The following CRTC1 variants were observed in gnomAD, a reference collection of about 807,000 sequenced individuals.
CRTC1 encodes CREB-regulated transcription coactivator 1.
In CRTC1, 18 loss-of-function variants were observed where a neutral mutation model predicts 66.1. The observed-to-expected ratio is 0.27, with a 90% CI of 0.19 to 0.40. CRTC1 has a LOEUF of 0.40. Ranked by LOEUF, CRTC1 falls within the 10% of genes least tolerant of loss-of-function variation. The pLI, the probability that CRTC1 is intolerant of heterozygous loss-of-function variation, is 1.00. For synonymous variants in CRTC1, 416 were observed against 398.8 expected, an observed-to-expected ratio of 1.04 and a Z score of -0.51; for missense variants, 669 against 887.9, an observed-to-expected ratio of 0.75 and a Z score of 3.13.
In CRTC1 at chr19:18,768,347, G is replaced by C; in HGVS notation, c.1012-138G>C. On this transcript the variant is annotated intron_variant, in intron 9 of 13. Coordinates refer to ENST00000321949, the MANE Select transcript of CRTC1 (RefSeq NM_015321.3). The surrounding 1 kb of genome is among the most constrained non-coding windows in gnomAD (Gnocchi z 5.6). ...CTAGCCTGGGCTCCCTCATCGTGAG[G>C]AGCACCCAGCCCAGGGGCTGCCTGT... is the stretch of plus-strand genomic sequence containing the variant. 1.4e-6 allele frequency: 1 copy of C among 693,754 alleles called. No individual in the cohort carries two copies. The highest frequency in any genetic ancestry group is 2.4e-6 in the Non-Finnish European group (1 of 422,820). 43.0% of individuals were successfully genotyped at this position (693,754 alleles called of 1,614,324 possible). A position where few individuals can be genotyped will look rare whatever the true frequency, so the allele number is the denominator to read the frequency against.
rs148400773 is a variant in CRTC1 at position 18,760,680 on chromosome 19, A to G, written c.886+452A>G. On this transcript the variant is annotated intron_variant, in intron 8 of 13. Transcript: ENST00000321949. This position sits in a 1 kb window ranked among gnomAD's most constrained non-coding sequence, Gnocchi z 6.2. Reference sequence around the variant, plus strand: ...CACCCCCACCCGTCTCCAGCTCCACACTCCTTTCTTCCTCAGCCACATCCA... The same window carrying G: ...CACCCCCACCCGTCTCCAGCTCCACGCTCCTTTCTTCCTCAGCCACATCCA... Among the ~76,000 whole-genome samples, 429 of 149,496 alleles carry G rather than the reference A, an allele frequency of 2.9e-3. 1 individual carries two copies. Among genetic ancestry groups the G allele is most frequent in the African/African-American group, 0.01 (411 of 40,504 alleles).
chr19:18,726,841 G>C (rs773284010), intron 1 of CRTC1, among the ~76,000 whole-genome samples: 1 of 150,594 alleles, frequency 6.6e-6, no homozygotes, highest in Non-Finnish European at 1.5e-5. Context: ...CAGGAGAATT[G>C]CTTGAACCCA....
At chr19:18,744,224 G>A (rs911666597) in intron 2 of CRTC1, 87 of 1,483,876 alleles carry the variant, frequency 5.9e-5, no homozygotes, top group Non-Finnish European at 7.4e-5. Flanking sequence ...ACCCGTGTGC[G>A]GGCGCTGGGG....
At chr19:18,701,599 A>T (rs756309469) in intron 1 of CRTC1, among the ~76,000 whole-genome samples, 3 of 151,926 alleles carry the variant, frequency 2.0e-5, no homozygotes, top group African/African-American at 7.3e-5. Flanking sequence ...TTCTTATGAG[A>T]TAGGATTTTT....
chr19:18,768,388 C>T lies in CRTC1; in HGVS notation c.1012-97C>T. 4.9e-6 allele frequency: 5 copies of T among 1,016,586 alleles called. No homozygotes were observed. The East Asian group carries it at 7.8e-5, about 16-fold the overall frequency. 63.0% of individuals were successfully genotyped at this position (1,016,586 alleles called of 1,614,324 possible). A position where few individuals can be genotyped will look rare whatever the true frequency, so the allele number is the denominator to read the frequency against. Reference sequence around the variant, plus strand: ...GGCTGCCTGTGATCACAGGGCCCTTCCACCTCGCCTGCTGAGCATGCCAGG... The same window carrying T: ...GGCTGCCTGTGATCACAGGGCCCTTTCACCTCGCCTGCTGAGCATGCCAGG... On this transcript the variant is annotated intron_variant, in intron 9 of 13. Coordinates refer to ENST00000321949, the MANE Select transcript of CRTC1 (RefSeq NM_015321.3). This position sits in a 1 kb window ranked among gnomAD's most constrained non-coding sequence, Gnocchi z 5.6.
chr19:18,753,231 G>A (rs2054407987), intron 5 of CRTC1, among the ~76,000 whole-genome samples: 1 of 152,098 alleles, frequency 6.6e-6, no homozygotes, highest in African/African-American at 2.4e-5. Flanking sequence ...AGCTGAGATT[G>A]TGCCACTGCA....
intron 13 of CRTC1, 53 bp downstream of exon 13, chr19:18,775,874 G>A: frequency 6.7e-7 from 1 of 1,501,268 alleles, no homozygotes; most frequent in South Asian, 1.3e-5. Context: ...CTCAGCCCGT[G>A]CGGAGACAGC....
In CRTC1 at chr19:18,683,688, G is replaced by T; in HGVS notation, c.-15G>T. The T allele has an allele frequency of 7.2e-7, 1 of 1,392,542 alleles. No homozygotes were observed. Among genetic ancestry groups the T allele is most frequent in the Non-Finnish European group, 9.5e-7 (1 of 1,047,932 alleles). 86.3% of individuals were successfully genotyped at this position (1,392,542 alleles called of 1,614,324 possible). On this transcript the variant is annotated 5_prime_UTR_variant, in exon 1 of 14. The change creates a new upstream start codon in the 5' untranslated region. Coordinates refer to ENST00000321949, the MANE Select transcript of CRTC1 (RefSeq NM_015321.3). ...TGGAGGAGGAGGAGGAGGAGGAGGAGGTGGCGGCGAGAAGATGGCGACTTC... is the reference window on the plus strand; with the variant it reads ...TGGAGGAGGAGGAGGAGGAGGAGGATGTGGCGGCGAGAAGATGGCGACTTC...
At chr19:18,766,009 C>A (rs2054726452) in intron 9 of CRTC1, among the ~76,000 whole-genome samples, 1 of 152,018 alleles carries the variant, frequency 6.6e-6, no homozygotes, top group East Asian at 1.9e-4. Flanking sequence ...TTTCAATTTG[C>A]TGTATTTGCT....
chr19:18,740,275 G>A (rs2054083826), intron 1 of CRTC1, among the ~76,000 whole-genome samples: 1 of 151,836 alleles, frequency 6.6e-6, no homozygotes, highest in South Asian at 2.1e-4. Flanking sequence ...AATCACCCAA[G>A]GGAAGAGGCA....
At chr19:18,715,952 C>T (rs866645908) in intron 1 of CRTC1, among the ~76,000 whole-genome samples, 4 of 152,178 alleles carry the variant, frequency 2.6e-5, no homozygotes, top group Non-Finnish European at 4.4e-5. Flanking sequence ...TTCCTGCACC[C>T]GAAGCCTGGG....
chr19:18,693,773 C>T (rs955565441), intron 1 of CRTC1, among the ~76,000 whole-genome samples: 4 of 151,810 alleles, frequency 2.6e-5, no homozygotes, highest in African/African-American at 9.7e-5. Context: ...AGCCACCATT[C>T]CCGGCCCGCT....
intron 4 of CRTC1, among the ~76,000 whole-genome samples, chr19:18,749,545 G>A (rs184181551): frequency 1.3e-3 from 203 of 152,358 alleles, no homozygotes; most frequent in Admixed American, 3.9e-3. Context: ...GACCACAGGC[G>A]TGCGCCACCT....
At chr19:18,735,093 C>T (rs1310672370) in intron 1 of CRTC1, among the ~76,000 whole-genome samples, 3 of 152,238 alleles carry the variant, frequency 2.0e-5, no homozygotes, top group Non-Finnish European at 2.9e-5. Flanking sequence ...GGGCTCTTTG[C>T]TGGGCCCTTG....
chr19:18,721,222 C>T (rs2053621656), intron 1 of CRTC1, among the ~76,000 whole-genome samples: 1 of 143,592 alleles, frequency 7.0e-6, no homozygotes, highest in Non-Finnish European at 1.5e-5. Flanking sequence ...GAGACGGAGT[C>T]TCGCTCTGTC....
intron 1 of CRTC1, among the ~76,000 whole-genome samples, chr19:18,717,496 A>G (rs1011738455): frequency 1.3e-5 from 2 of 151,954 alleles, no homozygotes; most frequent in Non-Finnish European, 1.5e-5. Flanking sequence ...CACCCCAAAC[A>G]CTGTCCCCTC....
chr19:18,695,122 C>T (rs1018910763), intron 1 of CRTC1, among the ~76,000 whole-genome samples: 9 of 152,056 alleles, frequency 5.9e-5, no homozygotes, highest in East Asian at 1.9e-4. Flanking sequence ...CTGCCCGCCT[C>T]GGCCTCCTAA....
At chr19:18,692,005 G>A (rs746374426) in intron 1 of CRTC1, among the ~76,000 whole-genome samples, 3 of 152,042 alleles carry the variant, frequency 2.0e-5, no homozygotes, top group East Asian at 3.9e-4. Flanking sequence ...GAGCCACCGC[G>A]CTCGGTCTTC....
chr19:18,740,380 G>A (rs192800432), intron 1 of CRTC1, among the ~76,000 whole-genome samples: 12 of 152,276 alleles, frequency 7.9e-5, no homozygotes, highest in African/African-American at 2.9e-4. Context: ...ACTGCCAGCC[G>A]CAGAAGCTCC....
Sources: allele counts gnomAD v4.1 joint callset (sites outside exome capture counted in the v4.1 genomes callset), GRCh38; gene constraint gnomAD v4.1.1; non-coding constraint Gnocchi (gnomAD v3.1); transcripts MANE v1.5; gene names NCBI Gene and HGNC (gene_info 2026-07-23, HGNC 2026-07-21).